Variants in HMGCL observed in about 807,000 individuals in gnomAD.
HMGCL encodes hydroxymethylglutaryl-CoA lyase, mitochondrial.
Under a neutral mutation model 37.3 loss-of-function variants are expected in HMGCL, and 26 were observed. That is an observed-to-expected ratio of 0.70 (90% CI 0.51 to 0.97). The LOEUF is 0.97. HMGCL is among the 50% of genes least tolerant of loss of function. The pLI is 0.00. For missense variants in HMGCL, 379 were observed against 398.1 expected, an observed-to-expected ratio of 0.95 and a Z score of 0.41; for synonymous variants, 151 against 148.0, an observed-to-expected ratio of 1.02 and a Z score of -0.15.
chr1:23,805,087 G>C (rs1638380436), intron 7 of HMGCL, among the ~76,000 whole-genome samples: 1 of 152,056 alleles, frequency 6.6e-6, no homozygotes, highest in African/African-American at 2.4e-5. Context: ...GCAATCAAGA[G>C]ATGTCTCCAT....
chr1:23,805,722 A>C (rs1050256768), intron 7 of HMGCL, among the ~76,000 whole-genome samples: 1 of 151,914 alleles, frequency 6.6e-6, no homozygotes, highest in Non-Finnish European at 1.5e-5. Context: ...CTCATTCCTC[A>C]GACAGCTTCT....
At chr1:23,804,891 AC>A (rs1557486208) in intron 7 of HMGCL, among the ~76,000 whole-genome samples, 1 of 32,394 alleles carries the variant, frequency 3.1e-5, no homozygotes, top group African/African-American at 1.2e-4. Context: ...CCCCCCACTT[AC>A]CCCCCACCAC....
At chr1:23,819,964 C>G (rs888979340) in intron 2 of HMGCL, among the ~76,000 whole-genome samples, 3 of 152,180 alleles carry the variant, frequency 2.0e-5, no homozygotes, top group African/African-American at 4.8e-5. Flanking sequence ...CATAGTGTAT[C>G]TGACCCAACT....
intron 8 of HMGCL, 64 bp from the exon 9 acceptor site, chr1:23,802,628 C>A: frequency 2.0e-6 from 2 of 1,018,992 alleles, no homozygotes; most frequent in South Asian, 2.5e-5. Flanking sequence ...GGGAAAACAT[C>A]AGCATGGACA....
intron 1 of HMGCL, among the ~76,000 whole-genome samples, chr1:23,824,878 T>C (rs1339292820): frequency 3.3e-5 from 5 of 152,152 alleles, no homozygotes; most frequent in African/African-American, 1.2e-4. Flanking sequence ...AGGATCAAAG[T>C]GCAATTCCAA....
chr1:23,807,957 C>T (rs1638442617), intron 7 of HMGCL, among the ~76,000 whole-genome samples, 178 bp downstream of exon 7: 1 of 152,200 alleles, frequency 6.6e-6, no homozygotes, highest in Non-Finnish European at 1.5e-5. Context: ...CCTTGACTGT[C>T]TCCCCAACAC....
chr1:23,816,099 T>TA (rs963971702), intron 4 of HMGCL, among the ~76,000 whole-genome samples: 1 of 151,208 alleles, frequency 6.6e-6, no homozygotes, highest in Non-Finnish European at 1.5e-5. Flanking sequence ...TTTTTTTTTT[T>TA]TTTTTTGTAG....
In HMGCL at chr1:23,810,525, A is replaced by AG. The variant is rs1369435269; in HGVS notation, c.561+210dup. The AG allele has an allele frequency of 5.3e-6, 3 of 566,378 alleles. No individual in the cohort carries two copies. The African/African-American group carries it at 5.7e-5, about 11-fold the overall frequency. The allele number at this position is 566,378 out of a possible 1,614,324, so 35.1% of individuals were successfully genotyped here. A position where few individuals can be genotyped will look rare whatever the true frequency, so the allele number is the denominator to read the frequency against. ...GAGGTTTTCAGGCTGGATAGAGGCC[A>AG]GGGGCTTCAAGGACTACATGTTCGG... On this transcript the variant is annotated intron_variant, in intron 6 of 8. Coordinates refer to ENST00000374490, the MANE Select transcript of HMGCL (RefSeq NM_000191.3).
In HMGCL at chr1:23,820,643, T is replaced by C. The variant is rs773593318; in HGVS notation, c.61-50A>G. ...AAGTATGAGGAAGAGATTGCCACAA[T>C]TCCCAGGGAGACCAATATGAAAGAA... On this transcript the variant is annotated intron_variant, in intron 1 of 8. Transcript: ENST00000374490. The C allele has an allele frequency of 4.9e-6, 6 of 1,231,688 alleles. No individual in the cohort carries two copies. In the Admixed American group the frequency reaches 8.4e-5, roughly 17 times the overall value. The allele number at this position is 1,231,688 out of a possible 1,614,324, so 76.3% of individuals were successfully genotyped here.
At position 23,816,347 on chromosome 1, in the gene HMGCL, T is replaced by C. The variant is rs1428970881; in HGVS notation, c.348+328A>G. 8 of 370,574 alleles carry C rather than the reference T, an allele frequency of 2.2e-5. No homozygotes were observed. The East Asian group carries it at 5.0e-4, about 23-fold the overall frequency. 23.0% of individuals were successfully genotyped at this position (370,574 alleles called of 1,614,324 possible). ...AACTCTTGTGGAGAGTTTGGTTACA[T>C]TTCTCTAAAGAAGTGGATAATCAAA... On this transcript the variant is annotated intron_variant, in intron 4 of 8. Coordinates refer to ENST00000374490, the MANE Select transcript of HMGCL (RefSeq NM_000191.3).
Position 23,804,399 on chromosome 1 carries a change from C to A in HMGCL, c.876+1G>T, listed in dbSNP as rs779802353. ...CGCCACCAGGGGGTGGGTGGGCTTA[C>A]CGTGTGAATGCCCAAGCCCTCTAGC... is the stretch of plus-strand genomic sequence containing the variant. On this transcript the variant is annotated splice_donor_variant, in intron 8 of 8. Transcript: ENST00000374490. LOFTEE classifies it high-confidence loss of function. The A allele has an allele frequency of 6.2e-7, 1 of 1,614,178 alleles. No individual in the cohort carries two copies. The highest frequency in any genetic ancestry group is 1.1e-5 in the South Asian group (1 of 91,088).
chr1:23,818,487 C>T (rs1214124772), intron 2 of HMGCL, among the ~76,000 whole-genome samples: 4 of 152,062 alleles, frequency 2.6e-5, no homozygotes, highest in Non-Finnish European at 5.9e-5. Flanking sequence ...AGGTCCTTCT[C>T]GCTAGGTCCT....
chr1:23,821,863 A>T (rs2148426562), intron 1 of HMGCL, among the ~76,000 whole-genome samples: 1 of 152,126 alleles, frequency 6.6e-6, no homozygotes, highest in Non-Finnish European at 1.5e-5. Flanking sequence ...TTTTAAAAAA[A>T]CTGGCTGTTC....
rs1638502358 is a variant in HMGCL, at chr1:23,810,632, A to C, written c.561+104T>G. The C allele has an allele frequency of 4.3e-6, 4 of 928,666 alleles. 1 individual carries two copies. The South Asian group carries it at 5.5e-5, about 13-fold the overall frequency. The allele number at this position is 928,666 out of a possible 1,614,324, so 57.5% of individuals were successfully genotyped here. ...ATGAAGGAGCTGGGTGAATGAATGA[A>C]GTCAGGAACCTGCCAGAAAGGGTGG... On this transcript the variant is annotated intron_variant, in intron 6 of 8. Transcript: ENST00000374490.
At chr1:23,808,095 AC>A in intron 7 of HMGCL, 39 bp downstream of exon 7, 2 of 1,564,154 alleles carry the variant, frequency 1.3e-6, no homozygotes, top group Non-Finnish European at 1.8e-6. Flanking sequence ...TGTCCTGCCC[AC>A]CGTGACCTTT....
chr1:23,810,354 C>A, intron 6 of HMGCL: 1 of 275,248 alleles, frequency 3.6e-6, no homozygotes, highest in South Asian at 3.9e-5. Context: ...ATTCCCATGC[C>A]ATGTTCTTCT....
Position 23,817,216 on chromosome 1 carries a change from C to G in HMGCL, c.252+260G>C, listed in dbSNP as rs563792021. Reference sequence around the variant, plus strand: ...GCATAGAGGGTTTTAGACTTTAGGGCTAGAAGAGGTCATCTCTAACACTGA... The same window carrying G: ...GCATAGAGGGTTTTAGACTTTAGGGGTAGAAGAGGTCATCTCTAACACTGA... On this transcript the variant is annotated intron_variant, in intron 3 of 8. Coordinates refer to ENST00000374490, the MANE Select transcript of HMGCL (RefSeq NM_000191.3). Among the ~76,000 whole-genome samples the G allele has an allele frequency of 3.3e-5, 5 of 152,276 alleles. No individual in the cohort carries two copies. In the East Asian group the frequency reaches 9.6e-4, roughly 29 times the overall value.
chr1:23,807,710 T>C (rs543053614), intron 7 of HMGCL, among the ~76,000 whole-genome samples: 4 of 152,324 alleles, frequency 2.6e-5, no homozygotes, highest in African/African-American at 9.6e-5. Context: ...GAAAACCCTG[T>C]ATATTGTATG....
intron 1 of HMGCL, among the ~76,000 whole-genome samples, chr1:23,821,595 C>A (rs768933077): frequency 2.6e-5 from 4 of 152,056 alleles, no homozygotes; most frequent in Non-Finnish European, 4.4e-5. Context: ...GAAGGTTGAG[C>A]CTGCAGTGAG....
Sources: allele counts gnomAD v4.1 joint callset (sites outside exome capture counted in the v4.1 genomes callset), GRCh38; gene constraint gnomAD v4.1.1; transcripts MANE v1.5; gene names NCBI Gene and HGNC (gene_info 2026-07-23, HGNC 2026-07-21).